Variants in SLC24A2 observed in about 807,000 individuals in gnomAD.
The protein encoded by SLC24A2 is sodium/potassium/calcium exchanger 2.
A neutral mutation model predicts 62.0 loss-of-function variants in SLC24A2; 36 were observed. That is an observed-to-expected ratio of 0.58 (90% CI 0.44 to 0.77). SLC24A2 has a LOEUF of 0.77. SLC24A2 is among the 30% of genes least tolerant of loss of function. The probability of loss-of-function intolerance (pLI) is 0.00; values close to 1 mark genes in which losing one functional copy is unlikely to be tolerated. For synonymous variants in SLC24A2, 358 were observed against 294.0 expected, an observed-to-expected ratio of 1.22 and a Z score of -2.23; for missense variants, 846 against 817.9, an observed-to-expected ratio of 1.03 and a Z score of -0.42.
chr9:19,598,434 C>A (rs989101284), intron 4 of SLC24A2, among the ~76,000 whole-genome samples: 1 of 152,090 alleles, frequency 6.6e-6, no homozygotes, highest in Non-Finnish European at 1.5e-5. Context: ...TATGATACAT[C>A]ATTTACACAT....
chr9:19,611,500 T>G (rs1479306371), intron 4 of SLC24A2, among the ~76,000 whole-genome samples: 1 of 148,870 alleles, frequency 6.7e-6, no homozygotes, highest in Non-Finnish European at 1.5e-5. Flanking sequence ...CGGAAGGAGG[T>G]AGAGTGGGAA....
chr9:20,215,486 A>C, the SLC24A2 span, among the ~76,000 whole-genome samples: 1 of 152,242 alleles, frequency 6.6e-6, no homozygotes, highest in Non-Finnish European at 1.5e-5. Flanking sequence ...AGAAAAAAAA[A>C]GTCTAGCTAT....
chr9:20,275,204 T>A, the SLC24A2 span, among the ~76,000 whole-genome samples: 2 of 151,864 alleles, frequency 1.3e-5, no homozygotes, highest in Non-Finnish European at 2.9e-5. Context: ...CAGTTAGGGG[T>A]TACGGCAAAC....
the SLC24A2 span, among the ~76,000 whole-genome samples, chr9:19,977,344 A>C: frequency 1.3e-5 from 2 of 152,154 alleles, no homozygotes; most frequent in African/African-American, 4.8e-5. Flanking sequence ...TGCGTATTGA[A>C]TATATTAGAG....
chr9:19,560,242 G>T (rs1586959767), intron 7 of SLC24A2, among the ~76,000 whole-genome samples: 1 of 151,878 alleles, frequency 6.6e-6, no homozygotes, highest in South Asian at 2.1e-4. Flanking sequence ...GAAAAGTTCA[G>T]TTACTCAACT....
chr9:20,102,125 T>A, the SLC24A2 span, among the ~76,000 whole-genome samples: 1 of 152,184 alleles, frequency 6.6e-6, no homozygotes, highest in Non-Finnish European at 1.5e-5. Context: ...GAGTCCCTAG[T>A]TCTCCCTATT....
chr9:19,835,334 A>C, the SLC24A2 span, among the ~76,000 whole-genome samples: 1 of 152,124 alleles, frequency 6.6e-6, no homozygotes, highest in Admixed American at 6.6e-5. Flanking sequence ...GAAATCCATC[A>C]CACATGCAGA....
intron 2 of SLC24A2, among the ~76,000 whole-genome samples, chr9:19,781,292 T>G (rs1295126460): frequency 6.6e-6 from 1 of 152,046 alleles, no homozygotes; most frequent in Admixed American, 6.5e-5. Context: ...ACAAATTATC[T>G]AGTTCTAACA....
the SLC24A2 span, among the ~76,000 whole-genome samples, chr9:20,251,421 A>AG: frequency 6.6e-6 from 1 of 152,194 alleles, no homozygotes; most frequent in African/African-American, 2.4e-5. Context: ...AAGGAAAAAA[A>AG]TGACCAAAAT....
the SLC24A2 span, among the ~76,000 whole-genome samples, chr9:20,275,751 AG>A: frequency 5.1e-4 from 77 of 152,330 alleles, no homozygotes; most frequent in African/African-American, 1.5e-3. Context: ...AAAGAAAAAG[AG>A]GTTTAATGAA....
the SLC24A2 span, among the ~76,000 whole-genome samples, chr9:20,055,100 T>C: frequency 7.3e-4 from 111 of 152,328 alleles, no homozygotes; most frequent in African/African-American, 2.4e-3. Flanking sequence ...TGTATAGTTA[T>C]GAGCATTCAG....
the SLC24A2 span, among the ~76,000 whole-genome samples, chr9:19,995,172 C>T: frequency 7.9e-5 from 12 of 151,160 alleles, no homozygotes; most frequent in South Asian, 2.5e-3. Context: ...AAACTTGCAA[C>T]AAATATTGGC....
At chr9:19,636,537 T>A (rs574742571) in intron 2 of SLC24A2, among the ~76,000 whole-genome samples, 1 of 151,294 alleles carries the variant, frequency 6.6e-6, no homozygotes, top group Admixed American at 6.6e-5. Flanking sequence ...GTTCAAGCGA[T>A]TATTCTCCTA....
chr9:20,188,962 T>A, the SLC24A2 span, among the ~76,000 whole-genome samples: 1 of 152,192 alleles, frequency 6.6e-6, no homozygotes, highest in African/African-American at 2.4e-5. Context: ...TCTGAGTTAT[T>A]CATATTAATG....
At chr9:20,081,098 T>C in the SLC24A2 span, among the ~76,000 whole-genome samples, 2 of 152,148 alleles carry the variant, frequency 1.3e-5, no homozygotes, top group Admixed American at 1.3e-4. Context: ...GAACTGGAAA[T>C]ACCATTTGAC....
At chr9:20,177,190 T>C in the SLC24A2 span, among the ~76,000 whole-genome samples, 1 of 152,146 alleles carries the variant, frequency 6.6e-6, no homozygotes, top group East Asian at 1.9e-4. Flanking sequence ...TAAATATCTG[T>C]TTGTCAATTT....
At chr9:19,837,477 A>G in the SLC24A2 span, among the ~76,000 whole-genome samples, 2 of 145,124 alleles carry the variant, frequency 1.4e-5, no homozygotes, top group African/African-American at 2.5e-5. Context: ...AAAAAAAAAA[A>G]AAAAAAAAAA....
the SLC24A2 span, among the ~76,000 whole-genome samples, chr9:19,849,334 A>T: frequency 6.6e-6 from 1 of 152,224 alleles, no homozygotes. Context: ...AATGTCTCTG[A>T]TAATGTAAAG....
the SLC24A2 span, among the ~76,000 whole-genome samples, chr9:20,246,183 T>C: frequency 1.3e-5 from 2 of 152,194 alleles, no homozygotes; most frequent in African/African-American, 2.4e-5. Flanking sequence ...ATTCAACAAA[T>C]ATTATTTCCT....
Sources: gnomAD v4.1 joint callset for allele counts (sites outside exome capture counted in the v4.1 genomes callset) on GRCh38, gnomAD v4.1.1 for gene constraint, MANE v1.5 for transcripts, NCBI Gene and HGNC (gene_info 2026-07-23, HGNC 2026-07-21) for gene names.